IL16: variants seen among roughly 807,000 people sequenced by gnomAD.
The protein encoded by IL16 is interleukin 16, also known as pro-interleukin-16.
A neutral mutation model predicts 110.1 loss-of-function variants in IL16; 67 were observed. That is an observed-to-expected ratio of 0.61 (90% CI 0.50 to 0.75). The LOEUF (loss-of-function observed/expected upper bound fraction) is 0.75. Ranked by LOEUF, IL16 falls within the 30% of genes least tolerant of loss-of-function variation. The pLI is 0.00. For synonymous variants in IL16, 689 were observed against 662.9 expected (o/e 1.04, Z -0.61); for missense variants, 1,545 against 1,655.0 (o/e 0.93, Z 1.15).
At chr15:81,204,564 G>C (rs1895940901) in intron 1 of IL16, among the ~76,000 whole-genome samples, 1 of 152,020 alleles carries the variant, frequency 6.6e-6, no homozygotes, top group Non-Finnish European at 1.5e-5. Flanking sequence ...GGCCTTTTCT[G>C]CATCTATTGA....
intron 9 of IL16, among the ~76,000 whole-genome samples, chr15:81,284,140 T>C (rs1899331366): frequency 6.6e-6 from 1 of 152,240 alleles, no homozygotes; most frequent in Admixed American, 6.5e-5. Context: ...TCAAATCTAA[T>C]TTCTTTCAAT....
At chr15:81,275,065 G>T (rs1449541445) in intron 6 of IL16, among the ~76,000 whole-genome samples, 1 of 152,010 alleles carries the variant, frequency 6.6e-6, no homozygotes, top group Non-Finnish European at 1.5e-5. Flanking sequence ...AAAGGGCGGG[G>T]CGGGTCAGAG....
intron 2 of IL16, among the ~76,000 whole-genome samples, chr15:81,245,724 CTTTTTTTTTTTTT>C (rs1009292228): frequency 1.6e-5 from 1 of 61,282 alleles, no homozygotes; most frequent in Non-Finnish European, 3.0e-5. Context: ...TTTGTTTTGG[CTTTTTTTTTTTTT>C]TTTTTTTTTT....
intron 6 of IL16, among the ~76,000 whole-genome samples, chr15:81,276,317 G>A (rs768775335): frequency 2.0e-5 from 3 of 152,158 alleles, no homozygotes; most frequent in Non-Finnish European, 4.4e-5. Context: ...TAAAGACGTG[G>A]AAATGCCCAG....
At position 81,312,117 on chromosome 15, in the gene IL16, A is replaced by G. The variant is rs914697901; in HGVS notation, c.*3319A>G. 2 of 152,274 alleles carry G rather than the reference A, an allele frequency of 1.3e-5. No individual in the cohort carries two copies. The highest frequency in any genetic ancestry group is 2.9e-5 in the Non-Finnish European group (2 of 68,076). 9.4% of individuals were successfully genotyped at this position (152,274 alleles called of 1,614,324 possible). On this transcript the variant is annotated 3_prime_UTR_variant, in exon 19 of 19. Transcript: ENST00000683961. ...TTTAGTCACACGTGGTCTTTCTTACAAGGAAGGTGGTGGGGGTGCAGATGA... is the reference window on the plus strand; with the variant it reads ...TTTAGTCACACGTGGTCTTTCTTACGAGGAAGGTGGTGGGGGTGCAGATGA...
At chr15:81,195,242 G>A (rs7165593), upstream of IL16, among the ~76,000 whole-genome samples, 23 of 152,284 alleles carry the variant, frequency 1.5e-4, no homozygotes, top group African/African-American at 1.7e-4. Flanking sequence ...TAGTGGAGGA[G>A]GGGGGCTGTG....
At chr15:81,283,602 A>G (rs1310375845) in intron 9 of IL16, among the ~76,000 whole-genome samples, 1 of 152,236 alleles carries the variant, frequency 6.6e-6, no homozygotes, top group Non-Finnish European at 1.5e-5. Flanking sequence ...TCCAACATAG[A>G]AAACACACTT....
At chr15:81,266,391 G>A (rs1402750358) in intron 4 of IL16, among the ~76,000 whole-genome samples, 1 of 152,182 alleles carries the variant, frequency 6.6e-6, no homozygotes, top group African/African-American at 2.4e-5. Context: ...AAAGTGAGTA[G>A]CTGGGTTTAT....
rs1315363038 is a variant in IL16 at position 81,203,173 on chromosome 15, T to TTTGG, written c.-102+6023_-102+6024insGGTT. On this transcript the variant is annotated intron_variant, in intron 1 of 18. Coordinates refer to ENST00000683961, the MANE Select transcript of IL16 (RefSeq NM_172217.5). The stretch of plus-strand genomic sequence containing the variant: ...CTTCACCCACTTTTTGATGGGGTTG[T>TTTGG]TTTTTTCTTGTAAATTTGTTTGAGT... Among the ~76,000 whole-genome samples the TTTGG allele has an allele frequency of 3.1e-3, 471 of 149,908 alleles. 3 individuals carry two copies. Among genetic ancestry groups the TTTGG allele is most frequent in the African/African-American group, 0.011 (429 of 39,498 alleles).
rs147063283 is a variant in IL16, at chr15:81,211,394, G to A, written c.-101-13905G>A. ...AGCCTCCCAAGTAGCTGGGATTACA[G>A]GCATGCACCACCATGCTCAGCTAAT... is the stretch of plus-strand genomic sequence containing the variant. On this transcript the variant is annotated intron_variant, in intron 1 of 18. Transcript: ENST00000683961. Among the ~76,000 whole-genome samples the A allele has an allele frequency of 4.5e-3, 692 of 152,166 alleles. 3 individuals are homozygous for A. The highest frequency in any genetic ancestry group is 0.016 in the African/African-American group (672 of 41,508).
chr15:81,270,191 C>T (rs897490094), intron 5 of IL16, among the ~76,000 whole-genome samples: 4 of 152,190 alleles, frequency 2.6e-5, no homozygotes, highest in African/African-American at 9.7e-5. Context: ...CTGATCTCTG[C>T]TTCATAATGG....
intron 2 of IL16, among the ~76,000 whole-genome samples, chr15:81,250,468 C>T (rs1023767732): frequency 6.6e-6 from 1 of 152,216 alleles, no homozygotes; most frequent in Non-Finnish European, 1.5e-5. Flanking sequence ...GGAGCCACCA[C>T]ACTTGACCTA....
At chr15:81,186,553 C>A (rs1189877325) in intron 1 of IL16, among the ~76,000 whole-genome samples, 2 of 152,200 alleles carry the variant, frequency 1.3e-5, no homozygotes, top group African/African-American at 4.8e-5. Flanking sequence ...ACCAGTCTTA[C>A]CAACCTCAGA....
In IL16 at chr15:81,273,398, G is replaced by A. The variant is rs59216753; in HGVS notation, c.790+194G>A. Among the ~76,000 whole-genome samples, 18,691 of 152,138 alleles carry A rather than the reference G, an allele frequency of 0.12. 1,296 individuals carry two copies. Among genetic ancestry groups the A allele is most frequent in the East Asian group, 0.27 (1,405 of 5,144 alleles). ...GGGTCTTCATTATGACTGGCAGGTT[G>A]GTTGTGCATGTTTGCACATTTAGCC... is the stretch of plus-strand genomic sequence containing the variant. On this transcript the variant is annotated intron_variant, in intron 6 of 18. Transcript: ENST00000683961.
At chr15:81,255,015 T>C (rs1897896522) in intron 2 of IL16, among the ~76,000 whole-genome samples, 1 of 152,208 alleles carries the variant, frequency 6.6e-6, no homozygotes, top group African/African-American at 2.4e-5. Context: ...ATTGACAAGC[T>C]CAGAGTCATG....
At chr15:81,212,977 A>G (rs1269768043) in intron 1 of IL16, among the ~76,000 whole-genome samples, 6 of 152,030 alleles carry the variant, frequency 3.9e-5, no homozygotes, top group African/African-American at 1.4e-4. Context: ...GCAAAGGCAA[A>G]TTGTTAATTT....
rs975364438 is a variant in IL16, at chr15:81,208,034, C to T, written c.-102+10882C>T. ...TCCCTTTCCTCTGCAACCTCACCAG[C>T]ATCTGTTGTCTGTTGACTTTTTAAT... On this transcript the variant is annotated intron_variant, in intron 1 of 18. Transcript: ENST00000683961. Among the ~76,000 whole-genome samples, 8 of 152,194 alleles carry T rather than the reference C, an allele frequency of 5.3e-5. No homozygotes were observed. The East Asian group carries it at 1.5e-3, about 29-fold the overall frequency.
chr15:81,276,199 C>T (rs1196397583), intron 6 of IL16, among the ~76,000 whole-genome samples: 1 of 152,166 alleles, frequency 6.6e-6, no homozygotes, highest in Non-Finnish European at 1.5e-5. Context: ...ACTTTGGCTC[C>T]AGCAACCTAA....
intron 1 of IL16, among the ~76,000 whole-genome samples, chr15:81,206,153 A>G (rs1373769664): frequency 6.6e-6 from 1 of 152,238 alleles, no homozygotes; most frequent in African/African-American, 2.4e-5. Context: ...GCTTACATAT[A>G]TATGCAGTCA....
Sources: allele counts gnomAD v4.1 joint callset (sites outside exome capture counted in the v4.1 genomes callset), GRCh38; gene constraint gnomAD v4.1.1; transcripts MANE v1.5; gene names NCBI Gene and HGNC (gene_info 2026-07-23, HGNC 2026-07-21).